ADCK1: variants seen among roughly 807,000 people sequenced by gnomAD.
ADCK1 encodes aarF domain-containing protein kinase 1.
Under a neutral mutation model 52.3 loss-of-function variants are expected in ADCK1, and 41 were observed. The ratio of observed to expected loss-of-function variants is 0.78; its 90% CI spans 0.61 to 1.02. The LOEUF is 1.02. Ranked by LOEUF, ADCK1 falls within the 50% of genes least tolerant of loss-of-function variation. The pLI is 0.00. For synonymous variants in ADCK1, 250 were observed against 274.6 expected (o/e 0.91, Z 0.89); for missense variants, 658 against 679.5 (o/e 0.97, Z 0.35).
chr14:77,817,106 G>A (rs1034676330), intron 1 of ADCK1, among the ~76,000 whole-genome samples: 2 of 151,986 alleles, frequency 1.3e-5, no homozygotes, highest in Admixed American at 6.6e-5. Flanking sequence ...GCTGGGCATG[G>A]TGGTGGCCAC....
intron 5 of ADCK1, among the ~76,000 whole-genome samples, chr14:77,888,436 G>T (rs913063845): frequency 2.0e-5 from 3 of 152,144 alleles, no homozygotes; most frequent in Non-Finnish European, 4.4e-5. Context: ...CCTGTAGTCA[G>T]TGGGGAACCA....
intron 2 of ADCK1, among the ~76,000 whole-genome samples, chr14:77,821,604 G>T (rs1003303112): frequency 2.0e-5 from 3 of 152,212 alleles, no homozygotes; most frequent in Middle Eastern, 3.4e-3. Flanking sequence ...ATTAGGGCCA[G>T]GCGCGGTGGC....
intron 4 of ADCK1, among the ~76,000 whole-genome samples, chr14:77,881,771 G>T (rs185326419): frequency 6.6e-6 from 1 of 152,142 alleles, no homozygotes; most frequent in South Asian, 2.1e-4. Context: ...GGGATTACGG[G>T]TATCAGCCTC....
intron 3 of ADCK1, among the ~76,000 whole-genome samples, chr14:77,830,468 A>G (rs1413328587): frequency 6.6e-6 from 1 of 150,610 alleles, no homozygotes; most frequent in Admixed American, 6.6e-5. Flanking sequence ...TTTTTTTTTA[A>G]TTAAATATGA....
chr14:77,861,362 G>A (rs1347373363), intron 4 of ADCK1, among the ~76,000 whole-genome samples: 1 of 152,030 alleles, frequency 6.6e-6, no homozygotes, highest in African/African-American at 2.4e-5. Context: ...CAGTGTGTGG[G>A]TGGAGGGAGG....
intron 1 of ADCK1, among the ~76,000 whole-genome samples, chr14:77,810,159 G>T (rs1210155614): frequency 6.6e-6 from 1 of 151,664 alleles, no homozygotes; most frequent in Admixed American, 6.6e-5. Context: ...GTTGCCTAGG[G>T]TAAGTGCGAT....
At chr14:77,807,209 C>T (rs1257237937) in intron 1 of ADCK1, among the ~76,000 whole-genome samples, 1 of 151,676 alleles carries the variant, frequency 6.6e-6, no homozygotes, top group South Asian at 2.1e-4. Context: ...GCTGGGACTA[C>T]AGGCGCCCGC....
intron 5 of ADCK1, among the ~76,000 whole-genome samples, chr14:77,894,391 C>T (rs1012803377): frequency 2.6e-5 from 4 of 152,142 alleles, no homozygotes; most frequent in African/African-American, 9.7e-5. Flanking sequence ...TGTACAGTAA[C>T]TTGATAACAG....
rs2081315810 is a variant in ADCK1, at chr14:77,810,439, A to T, written c.-11-8529A>T. Among the ~76,000 whole-genome samples the T allele has an allele frequency of 2.0e-5, 3 of 151,972 alleles. No homozygotes were observed. The South Asian group carries it at 6.2e-4, about 32-fold the overall frequency. On this transcript the variant is annotated intron_variant, in intron 1 of 10. Transcript: ENST00000238561. Reference sequence around the variant, plus strand: ...CAGTTAATTCTTACAATGAGCCTAGAAGGTGGGTACTCTCAAGAGCTCCCC... The same window carrying T: ...CAGTTAATTCTTACAATGAGCCTAGTAGGTGGGTACTCTCAAGAGCTCCCC...
intron 1 of ADCK1, among the ~76,000 whole-genome samples, chr14:77,800,810 A>G (rs2081093217): frequency 6.6e-6 from 1 of 152,266 alleles, no homozygotes; most frequent in African/African-American, 2.4e-5. Context: ...TCTACTAACA[A>G]GAAAGTCATT....
chr14:77,908,339 G>C (rs1052553821), intron 7 of ADCK1: 1 of 161,244 alleles, frequency 6.2e-6, no homozygotes, highest in African/African-American at 2.4e-5. Context: ...GGGGACAGCA[G>C]CAACCAACTG....
chr14:77,805,134 A>T (rs1193303388), intron 1 of ADCK1, among the ~76,000 whole-genome samples: 1 of 130,314 alleles, frequency 7.7e-6, no homozygotes. Flanking sequence ...TGAACCCTGG[A>T]GGCGGAGGTT....
chr14:77,908,827 G>T (rs917167007), intron 7 of ADCK1, among the ~76,000 whole-genome samples: 2 of 152,194 alleles, frequency 1.3e-5, no homozygotes, highest in African/African-American at 4.8e-5. Flanking sequence ...CAGCGAGAGG[G>T]TGTGAGGAGA....
In ADCK1 at chr14:77,859,125, G is replaced by A. The variant is rs766848926; in HGVS notation, c.269G>A (p.Arg90Gln). The A allele has an allele frequency of 4.3e-6, 7 of 1,612,986 alleles. No individual in the cohort carries two copies. The highest frequency in any genetic ancestry group is 1.7e-5 in the Admixed American group (1 of 59,966). Reference protein sequence around the residue: ...RRLCELCCANRGTFIKVGQHL... With the variant: ...RRLCELCCANQGTFIKVGQHL... Reference sequence around the variant, plus strand: ...CTCTGTGAGCTCTGCTGTGCCAACCGGGGCACCTTCATCAAGGTGGGCCAG... The same window carrying A: ...CTCTGTGAGCTCTGCTGTGCCAACCAGGGCACCTTCATCAAGGTGGGCCAG... The change falls in exon 4 of 11, where the codon CGG becomes CAG. Residue 90 changes from arginine (R) to glutamine (Q), a missense_variant. Coordinates refer to ENST00000238561, the MANE Select transcript of ADCK1 (RefSeq NM_020421.4).
intron 9 of ADCK1, among the ~76,000 whole-genome samples, chr14:77,929,270 A>T (rs956356107): frequency 6.6e-6 from 1 of 152,218 alleles, no homozygotes; most frequent in Non-Finnish European, 1.5e-5. Flanking sequence ...CTCCTACAAG[A>T]AGCCTGGAGA....
rs1412679092 is a variant in ADCK1, at chr14:77,923,070, TA to T, written c.859-1384del. Among the ~76,000 whole-genome samples, 1 of 152,210 alleles carries T rather than the reference TA, an allele frequency of 6.6e-6. No homozygotes were observed. The highest frequency in any genetic ancestry group is 1.5e-5 in the Non-Finnish European group (1 of 68,040). ...ATTATACCTCAACAAAGCTGTTTAA[TA>T]AAGCAGAGCGAGTCCCTCCTATCTT... On this transcript the variant is annotated intron_variant, in intron 7 of 10. Transcript: ENST00000238561. The surrounding 1 kb of genome is among the most constrained non-coding windows in gnomAD (Gnocchi z 4.3).
At chr14:77,910,397 A>G (rs1253860566) in intron 7 of ADCK1, among the ~76,000 whole-genome samples, 1 of 152,058 alleles carries the variant, frequency 6.6e-6, no homozygotes, top group Admixed American at 6.5e-5. Flanking sequence ...GGTGGCTTCT[A>G]GGGTGGTACA....
chr14:77,824,276 G>A (rs1033649480), intron 3 of ADCK1, among the ~76,000 whole-genome samples: 3 of 151,980 alleles, frequency 2.0e-5, no homozygotes, highest in Non-Finnish European at 2.9e-5. Flanking sequence ...AAATACTTTA[G>A]TATATACCTG....
chr14:77,926,687 G>C (rs1395924631), intron 9 of ADCK1, among the ~76,000 whole-genome samples: 1 of 152,158 alleles, frequency 6.6e-6, no homozygotes, highest in East Asian at 1.9e-4. Context: ...TGCCATGTTG[G>C]CCAGGCTAAA....
Sources: gnomAD v4.1 joint callset for allele counts (sites outside exome capture counted in the v4.1 genomes callset) on GRCh38, gnomAD v4.1.1 for gene constraint, Gnocchi (gnomAD v3.1) non-coding constraint, MANE v1.5 for transcripts, NCBI Gene and HGNC (gene_info 2026-07-23, HGNC 2026-07-21) for gene names.